Variants in MGAT4D observed in about 807,000 individuals in gnomAD.
MGAT4D encodes alpha-1,3-mannosyl-glycoprotein 4-beta-N-acetylglucosaminyltransferase-like protein MGAT4D.
MGAT4D carries 34 observed loss-of-function variants against 15.9 expected under a neutral mutation model. The observed-to-expected ratio is 2.14, with a 90% confidence interval of 1.62 to 2.84. MGAT4D has a LOEUF of 2.84. Ranked by LOEUF, MGAT4D falls within the 30% of genes most tolerant of loss-of-function variation. The probability of loss-of-function intolerance (pLI) is 0.00; values close to 1 mark genes in which losing one functional copy is unlikely to be tolerated. For synonymous variants in MGAT4D, 112 were observed against 48.2 expected (o/e 2.33, Z -5.49); for missense variants, 327 against 140.2 (o/e 2.33, Z -6.73).
chr4:140,459,218 A>G (rs1027801750), intron 8 of MGAT4D: 1 of 168,492 alleles, frequency 5.9e-6, no homozygotes, highest in Admixed American at 6.4e-5. Flanking sequence ...CTACTCAGCT[A>G]ACATGTGTGC....
intron 9 of MGAT4D, among the ~76,000 whole-genome samples, chr4:140,453,759 C>G (rs1181586174): frequency 6.6e-6 from 1 of 152,056 alleles, no homozygotes; most frequent in African/African-American, 2.4e-5. Context: ...TGTCCCTTGC[C>G]TCCTCTTCAC....
At chr4:140,468,605 T>G (rs943932112) in intron 5 of MGAT4D, among the ~76,000 whole-genome samples, 14 of 152,186 alleles carry the variant, frequency 9.2e-5, no homozygotes. Context: ...TTGTTCAGAA[T>G]AAAGCAACTG....
chr4:140,449,585 C>T (rs1160580066), intron 10 of MGAT4D, among the ~76,000 whole-genome samples: 1 of 152,052 alleles, frequency 6.6e-6, no homozygotes, highest in East Asian at 1.9e-4. Context: ...CGGTGAAACC[C>T]CGTCTCTACT....
At chr4:140,475,838 G>C (rs1021184229) in intron 3 of MGAT4D, among the ~76,000 whole-genome samples, 11 of 126,444 alleles carry the variant, frequency 8.7e-5, no homozygotes, top group African/African-American at 3.4e-4. Context: ...TTGAGATGGA[G>C]TCTCACTCTG....
At chr4:140,474,522 G>T (rs1355176080) in intron 4 of MGAT4D, among the ~76,000 whole-genome samples, 1 of 152,126 alleles carries the variant, frequency 6.6e-6, no homozygotes, top group Non-Finnish European at 1.5e-5. Context: ...GAGCCATATA[G>T]TAGGCAGGGA....
intron 5 of MGAT4D, among the ~76,000 whole-genome samples, chr4:140,471,038 C>G (rs1731903407): frequency 6.6e-6 from 1 of 151,998 alleles, no homozygotes; most frequent in Non-Finnish European, 1.5e-5. Flanking sequence ...GTGCACACCA[C>G]CAGGCTCGGC....
At chr4:140,475,660 C>CAAAAAAA (rs1162390812) in intron 3 of MGAT4D, among the ~76,000 whole-genome samples, 95 of 52,840 alleles carry the variant, frequency 1.8e-3, no homozygotes, top group African/African-American at 6.2e-3. Context: ...AATAAAACTG[C>CAAAAAAA]AAAAAAAAAA....
intron 1 of MGAT4D, among the ~76,000 whole-genome samples, chr4:140,487,553 AC>A (rs1733224713): frequency 6.6e-6 from 1 of 152,250 alleles, no homozygotes; most frequent in Non-Finnish European, 1.5e-5. Flanking sequence ...TTTATTTAAT[AC>A]AATATATCCA....
chr4:140,478,688 G>A (rs1034012367), intron 3 of MGAT4D, among the ~76,000 whole-genome samples: 35 of 151,228 alleles, frequency 2.3e-4, no homozygotes, highest in African/African-American at 8.0e-4. Flanking sequence ...ATAGATAAAC[G>A]ATGTCATCAG....
At chr4:140,461,314 C>G (rs1731156942) in intron 7 of MGAT4D, among the ~76,000 whole-genome samples, 1 of 152,116 alleles carries the variant, frequency 6.6e-6, no homozygotes, top group Non-Finnish European at 1.5e-5. Flanking sequence ...CTAACTTTCT[C>G]TCTAGTCTAC....
chr4:140,479,452 A>AT lies in MGAT4D; in HGVS notation c.391+37dup, dbSNP rs1325532443. 3.2e-5 allele frequency: 14 copies of AT among 436,800 alleles called. No homozygotes were observed. The Admixed American group carries it at 3.9e-4, about 12-fold the overall frequency. The allele number at this position is 436,800 out of a possible 1,614,324, so 27.1% of individuals were successfully genotyped here. ...TAAAAGTATGTCCCCAAAGATCAAA[A>AT]TACCTTTATTTAATTTTCCAATTCT... On this transcript the variant is annotated intron_variant, in intron 3 of 10. Coordinates refer to ENST00000511113, the MANE Select transcript of MGAT4D (RefSeq NM_001277353.2).
chr4:140,444,398 T>C (rs1420859210), intron 10 of MGAT4D, among the ~76,000 whole-genome samples: 1 of 152,128 alleles, frequency 6.6e-6, no homozygotes, highest in African/African-American at 2.4e-5. Context: ...TAAGCCCCAG[T>C]ATCTGTCATT....
At chr4:140,448,035 C>T (rs1730243798) in intron 10 of MGAT4D, among the ~76,000 whole-genome samples, 1 of 152,168 alleles carries the variant, frequency 6.6e-6, no homozygotes, top group Non-Finnish European at 1.5e-5. Context: ...TATAGGCCTC[C>T]AATCTCTTCT....
chr4:140,492,811 A>C (rs1185625103), intron 1 of MGAT4D, among the ~76,000 whole-genome samples: 2 of 152,210 alleles, frequency 1.3e-5, no homozygotes, highest in African/African-American at 4.8e-5. Flanking sequence ...GCTCTTTAAA[A>C]ACAGGAATGA....
chr4:140,481,213 G>A (rs1424420918), intron 2 of MGAT4D, among the ~76,000 whole-genome samples: 1 of 152,024 alleles, frequency 6.6e-6, no homozygotes, highest in East Asian at 1.9e-4. Flanking sequence ...ACTGAGATAG[G>A]AGGATTGCTT....
intron 3 of MGAT4D, among the ~76,000 whole-genome samples, chr4:140,475,627 A>C (rs142227922): frequency 1.4e-5 from 2 of 141,114 alleles, no homozygotes; most frequent in African/African-American, 5.3e-5. Context: ...GAAACTCAGA[A>C]AATCCTCTTT....
chr4:140,450,654 C>G (rs1285307201), intron 10 of MGAT4D, among the ~76,000 whole-genome samples: 1 of 152,158 alleles, frequency 6.6e-6, no homozygotes, highest in African/African-American at 2.4e-5. Flanking sequence ...ATGTATACGT[C>G]TATTTCTCAT....
chr4:140,480,141 AG>A lies in MGAT4D; in HGVS notation c.254-515del, dbSNP rs543485848. 9.8e-5 allele frequency among the ~76,000 whole-genome samples: 15 copies of A among 152,324 alleles called. No homozygotes were observed. In the South Asian group the frequency reaches 3.1e-3, roughly 32 times the overall value. ...AAACAGTGTGATATTATATAAAAAA[AG>A]ATATATAAACAATGGAACAGATCAT... is the stretch of plus-strand genomic sequence containing the variant. On this transcript the variant is annotated intron_variant, in intron 2 of 10. Coordinates refer to ENST00000511113, the MANE Select transcript of MGAT4D (RefSeq NM_001277353.2).
At chr4:140,449,031 G>A (rs1373400560) in intron 10 of MGAT4D, among the ~76,000 whole-genome samples, 1 of 152,208 alleles carries the variant, frequency 6.6e-6, no homozygotes, top group Non-Finnish European at 1.5e-5. Flanking sequence ...CCTACTGGCA[G>A]TACATTTAAA....
Sources: allele counts gnomAD v4.1 joint callset (sites outside exome capture counted in the v4.1 genomes callset), GRCh38; gene constraint gnomAD v4.1.1; transcripts MANE v1.5; gene names NCBI Gene and HGNC (gene_info 2026-07-23, HGNC 2026-07-21).